Variants in ETFB observed in about 807,000 individuals in gnomAD.
ETFB encodes the protein electron transfer flavoprotein subunit beta.
Under a neutral mutation model 25.6 loss-of-function variants are expected in ETFB, and 20 were observed. The ratio of observed to expected loss-of-function variants is 0.78; its 90% CI spans 0.55 to 1.14. ETFB has a LOEUF of 1.14. ETFB is among the 50% of genes most tolerant of loss of function. The pLI is 0.00. For synonymous variants in ETFB, 142 were observed against 146.7 expected (o/e 0.97, Z 0.23); for missense variants, 286 against 342.6 (o/e 0.83, Z 1.30).
chr19:51,345,807 C>T (rs1985761997), intron 5 of ETFB: 2 of 305,644 alleles, frequency 6.5e-6, no homozygotes, highest in South Asian at 2.8e-5. Context: ...TGCGCTGAAC[C>T]CTCCCTATAG....
At position 51,345,286 on chromosome 19, in the gene ETFB, G is replaced by T; in HGVS notation, c.693C>A (p.Pro231=). The change falls in exon 6 of 6, where the codon CCC becomes CCA. Residue 231 remains proline (P), a synonymous_variant. Coordinates refer to ENST00000309244, the MANE Select transcript of ETFB (RefSeq NM_001985.3). ...CCACCTTGACGCCGGCCGTGCGCTG[G>T]GGCGGGTCCTCCACACTGATCACAG... is the stretch of plus-strand genomic sequence containing the variant. ...KLSVISVEDP[P]QRTAGVKVET... The T allele has an allele frequency of 6.2e-7, 1 of 1,614,114 alleles. No homozygotes were observed. The highest frequency in any genetic ancestry group is 8.5e-7 in the Non-Finnish European group (1 of 1,180,016).
At chr19:51,359,820 G>C (rs1986175515) in intron 1 of ETFB, among the ~76,000 whole-genome samples, 1 of 151,970 alleles carries the variant, frequency 6.6e-6, no homozygotes, top group South Asian at 2.1e-4. Flanking sequence ...AGGATTTCAA[G>C]ACCAGCCTGG....
At position 51,346,952 on chromosome 19, in the gene ETFB, G is replaced by C; in HGVS notation, c.545C>G (p.Thr182Arg). Residue 182 changes from threonine (T) to arginine (R), a missense_variant, in exon 5 of 6, where the codon ACA becomes AGA. Coordinates refer to ENST00000309244, the MANE Select transcript of ETFB (RefSeq NM_001985.3). ...GGGCTCGTTGAGCCTCAGGTCAGCTGTCACCACAGCTGGCAGCTTCAGGCG... is the reference window on the plus strand; with the variant it reads ...GGGCTCGTTGAGCCTCAGGTCAGCTCTCACCACAGCTGGCAGCTTCAGGCG... ...TLRLKLPAVV[T>R]ADLRLNEPRY... 6.3e-7 allele frequency: 1 copy of C among 1,595,188 alleles called. No individual in the cohort carries two copies. Among genetic ancestry groups the C allele is most frequent in the South Asian group, 1.1e-5 (1 of 88,240 alleles).
In ETFB at chr19:51,345,265, C is replaced by G. The variant is rs768290418; in HGVS notation, c.714G>C (p.Lys238Asn). 1.2e-6 allele frequency: 2 copies of G among 1,614,208 alleles called. No individual in the cohort carries two copies. Among genetic ancestry groups the G allele is most frequent in the Non-Finnish European group, 8.5e-7 (1 of 1,180,036 alleles). ...EDPPQRTAGVKVETTEDLVAK... is the reference protein window; with the variant it reads ...EDPPQRTAGVNVETTEDLVAK... Reference sequence around the variant, plus strand: ...CCACCAGGTCCTCAGTGGTCTCCACCTTGACGCCGGCCGTGCGCTGGGGCG... The same window carrying G: ...CCACCAGGTCCTCAGTGGTCTCCACGTTGACGCCGGCCGTGCGCTGGGGCG... Residue 238 changes from lysine to asparagine, a missense_variant, in exon 6 of 6, where the codon AAG becomes AAC. Transcript: ENST00000309244.
Position 51,354,318 on chromosome 19 carries a change from A to C in ETFB, c.58-10T>G, listed in dbSNP as rs1239950435. The C allele has an allele frequency of 1.2e-6, 2 of 1,614,154 alleles. No individual in the cohort carries two copies. Among genetic ancestry groups the C allele is most frequent in the Non-Finnish European group, 1.7e-6 (2 of 1,180,028 alleles). On this transcript the variant is annotated splice_polypyrimidine_tract_variant and intron_variant, in intron 1 of 5. Transcript: ENST00000309244. ...CAGGCTTCACTCGGATCTGCCCAGCAGGAGGGGAAGGGGTGGGGTCAGGAG... is the reference window on the plus strand; with the variant it reads ...CAGGCTTCACTCGGATCTGCCCAGCCGGAGGGGAAGGGGTGGGGTCAGGAG...
chr19:51,361,447 G>C (rs1238651564), intron 1 of ETFB, among the ~76,000 whole-genome samples: 1 of 152,148 alleles, frequency 6.6e-6, no homozygotes, highest in Non-Finnish European at 1.5e-5. Context: ...TCCCTGAGGT[G>C]ACATGTGAGC....
In ETFB at chr19:51,345,196, A is replaced by G. The variant is rs1985737600; in HGVS notation, c.*15T>C. On this transcript the variant is annotated 3_prime_UTR_variant, in exon 6 of 6. Transcript: ENST00000309244. Reference sequence around the variant, plus strand: ...GATGTTGAGAGTCAGTTTTATTGCCATCTCTGGGAGGGGCTCAAATCCGCC... The same window carrying G: ...GATGTTGAGAGTCAGTTTTATTGCCGTCTCTGGGAGGGGCTCAAATCCGCC... 6.2e-7 allele frequency: 1 copy of G among 1,613,864 alleles called. No homozygotes were observed.
At chr19:51,359,196 C>T (rs1428934365) in intron 1 of ETFB, among the ~76,000 whole-genome samples, 5 of 151,586 alleles carry the variant, frequency 3.3e-5, no homozygotes, top group South Asian at 2.1e-4. Context: ...GGACCACAGG[C>T]GGGCACCATC....
At chr19:51,346,471 T>C (rs1985785815) in intron 5 of ETFB, 1 of 187,920 alleles carries the variant, frequency 5.3e-6, no homozygotes, top group African/African-American at 2.4e-5. Flanking sequence ...CCATGATGAT[T>C]AGTGAACTCT....
intron 4 of ETFB, chr19:51,347,265 G>C: frequency 3.4e-6 from 2 of 595,940 alleles, no homozygotes; most frequent in East Asian, 5.8e-5. Context: ...TGTATGTCCT[G>C]ATGTCCCATG....
chr19:51,351,410 C>T (rs143621699), intron 3 of ETFB, among the ~76,000 whole-genome samples: 213 of 152,348 alleles, frequency 1.4e-3, no homozygotes, highest in Non-Finnish European at 2.1e-3. Flanking sequence ...ATAATAAATT[C>T]GCTTTCTGGC....
At chr19:51,347,195 G>GT in intron 4 of ETFB, 137 bp from the exon 5 acceptor site, 1 of 858,760 alleles carries the variant, frequency 1.2e-6, no homozygotes, top group South Asian at 1.5e-5. Flanking sequence ...GTCCCATGAG[G>GT]TTTAGAATCG....
At chr19:51,347,370 C>T (rs1029974011) in intron 4 of ETFB, 10 of 305,018 alleles carry the variant, frequency 3.3e-5, no homozygotes, top group Non-Finnish European at 5.6e-5. Context: ...ATCAAGTCAT[C>T]GAATCCTCGC....
rs531928495 is a variant in ETFB, at chr19:51,345,768, C to T, written c.598-387G>A. 1.9e-3 allele frequency: 657 copies of T among 349,944 alleles called. 6 individuals carry two copies. The highest frequency in any genetic ancestry group is 0.013 in the African/African-American group (604 of 46,676). 21.7% of individuals were successfully genotyped at this position (349,944 alleles called of 1,614,324 possible). The stretch of plus-strand genomic sequence containing the variant: ...ACCCTCCCTATAGACTGAGATGATG[C>T]GCTGAACCCTCCCTATAGGCTGAGA... On this transcript the variant is annotated intron_variant, in intron 5 of 5. Coordinates refer to ENST00000309244, the MANE Select transcript of ETFB (RefSeq NM_001985.3).
At chr19:51,364,936 C>T (rs573664016) in intron 1 of ETFB, among the ~76,000 whole-genome samples, 4 of 152,278 alleles carry the variant, frequency 2.6e-5, no homozygotes, top group African/African-American at 9.6e-5. Flanking sequence ...CACCTGTAAT[C>T]CCAGCACTTT....
chr19:51,351,548 G>A (rs1020713672), intron 3 of ETFB, among the ~76,000 whole-genome samples: 8 of 152,236 alleles, frequency 5.3e-5, no homozygotes, highest in Admixed American at 1.3e-4. Flanking sequence ...GTAGGACATC[G>A]GAGTCTGAGA....
chr19:51,358,997 CAAAAAA>C (rs1217447614), intron 1 of ETFB, among the ~76,000 whole-genome samples: 1 of 151,032 alleles, frequency 6.6e-6, no homozygotes, highest in Non-Finnish European at 1.5e-5. Flanking sequence ...GACCTCATCT[CAAAAAA>C]GAAAAAGAAA....
Position 51,353,215 on chromosome 19 carries a change from G to A in ETFB, c.292C>T (p.Arg98Cys), listed in dbSNP as rs147353781. Residue 98 changes from arginine (R) to cysteine (C), a missense_variant, in exon 3 of 6, where the codon CGC (arginine) becomes TGC (cysteine). Coordinates refer to ENST00000309244, the MANE Select transcript of ETFB (RefSeq NM_001985.3). ...HVEVPPAEAE[R>C]LGPLQVARVL... ...CGAGCCACCTGCAGGGGACCCAAGC[G>A]TTCTGCTTCTGCTGGGGGCACCTCC... The A allele has an allele frequency of 1.8e-3, 2,908 of 1,614,092 alleles. 5 individuals are homozygous for A. Among genetic ancestry groups the A allele is most frequent in the Middle Eastern group, 2.5e-3 (15 of 6,062 alleles).
intron 1 of ETFB, among the ~76,000 whole-genome samples, chr19:51,360,693 G>A (rs1986199017): frequency 6.6e-6 from 1 of 152,216 alleles, no homozygotes; most frequent in South Asian, 2.1e-4. Context: ...ACGGTGTTAG[G>A]AGAGCCAGTC....
Sources: allele counts gnomAD v4.1 joint callset (sites outside exome capture counted in the v4.1 genomes callset), GRCh38; gene constraint gnomAD v4.1.1; transcripts MANE v1.5; gene names NCBI Gene and HGNC (gene_info 2026-07-23, HGNC 2026-07-21).